ATIC: variants seen among roughly 807,000 people sequenced by gnomAD.
The protein encoded by ATIC is bifunctional purine biosynthesis protein ATIC.
ATIC carries 64 observed loss-of-function variants against 72.5 expected under a neutral mutation model. The ratio of observed to expected loss-of-function variants is 0.88; its 90% CI spans 0.72 to 1.09. ATIC has a LOEUF of 1.09. Among genes scored for constraint, ATIC ranks in the 50% least tolerant of loss-of-function variants. The pLI is 0.00. For synonymous variants in ATIC, 281 were observed against 267.1 expected (o/e 1.05, Z -0.51); for missense variants, 787 against 732.4 (o/e 1.07, Z -0.86).
chr2:215,362,217 A>C, the ATIC span: 3 of 700,230 alleles, frequency 4.3e-6, no homozygotes, highest in Non-Finnish European at 2.6e-6. Flanking sequence ...GCAAGCTTTG[A>C]TGATGATTTC....
At chr2:215,319,814 A>G in intron 4 of ATIC, 83 bp downstream of exon 4, 1 of 1,153,064 alleles carries the variant, frequency 8.7e-7, no homozygotes. Flanking sequence ...GTGTTTTCTT[A>G]CTCACTATAA....
At chr2:215,351,606 T>G (rs972209377), downstream of ATIC, among the ~76,000 whole-genome samples, 15 of 152,116 alleles carry the variant, frequency 9.9e-5, no homozygotes, top group Non-Finnish European at 1.6e-4. Context: ...AAATTTTAAT[T>G]AGCTGGGCAT....
At chr2:215,360,348 A>G in the ATIC span, 4 of 152,380 alleles carry the variant, frequency 2.6e-5, 1 homozygote, top group Non-Finnish European at 5.9e-5. Context: ...TTATCAAGCC[A>G]TGCCAAAAGT....
chr2:215,342,092 C>G (rs2053025745), intron 12 of ATIC, among the ~76,000 whole-genome samples: 1 of 152,138 alleles, frequency 6.6e-6, no homozygotes, highest in Admixed American at 6.5e-5. Context: ...GTTACCTCCA[C>G]CTAGTCCTGC....
the ATIC span, chr2:215,361,783 A>G: frequency 1.6e-4 from 69 of 441,802 alleles, no homozygotes; most frequent in Non-Finnish European, 1.9e-4. Context: ...GGGCAATAGG[A>G]GATGTTCAAG....
intron 13 of ATIC, 142 bp from the exon 14 acceptor site, chr2:215,346,617 A>T: frequency 8.5e-6 from 8 of 937,002 alleles, no homozygotes; most frequent in Non-Finnish European, 1.4e-5. Context: ...TGACTTAAAA[A>T]TTATTTATAT....
chr2:215,352,814 G>C (rs1220921987), downstream of ATIC, among the ~76,000 whole-genome samples: 1 of 151,756 alleles, frequency 6.6e-6, no homozygotes, highest in African/African-American at 2.4e-5. Flanking sequence ...TTCAACACCT[G>C]GTTTCTCCTC....
chr2:215,338,486 T>A (rs1421069868), intron 11 of ATIC, among the ~76,000 whole-genome samples: 4 of 152,230 alleles, frequency 2.6e-5, no homozygotes, highest in African/African-American at 7.2e-5. Flanking sequence ...TAACATGTTG[T>A]ATATAGGTTG....
In ATIC at chr2:215,338,772, A is replaced by G. The variant is rs2106029162; in HGVS notation, c.1099-7A>G. The G allele has an allele frequency of 1.2e-6, 2 of 1,613,104 alleles. No individual in the cohort carries two copies. Among genetic ancestry groups the G allele is most frequent in the Non-Finnish European group, 1.7e-6 (2 of 1,179,434 alleles). Reference sequence around the variant, plus strand: ...ATTAACTTTAACTTTTAAAATTTGTATTTTAGATGGACCAATCTTACAAAC... The same window carrying G: ...ATTAACTTTAACTTTTAAAATTTGTGTTTTAGATGGACCAATCTTACAAAC... On this transcript the variant is annotated splice_polypyrimidine_tract_variant and splice_region_variant and intron_variant, in intron 11 of 15. Transcript: ENST00000236959.
Position 215,349,638 on chromosome 2 carries a change from C to T in ATIC, c.1762C>T (p.Arg588Trp), listed in dbSNP as rs1251129229. ...AATCATCCTCGCTCATACGAACCTT[C>T]GGCTCTTCCACCACTGATTTTACCA... is the stretch of plus-strand genomic sequence containing the variant. ...LGIILAHTNLRLFHH is the reference protein window; with the variant it reads ...LGIILAHTNLWLFHH The change falls in exon 16 of 16, where the codon CGG (arginine) becomes TGG (tryptophan). Residue 588 changes from arginine to tryptophan, a missense_variant. Arg to Trp is a moderately radical substitution (Grantham distance 101). Transcript: ENST00000236959. 5.0e-6 allele frequency: 8 copies of T among 1,614,044 alleles called. No individual in the cohort carries two copies. Among genetic ancestry groups the T allele is most frequent in the South Asian group, 3.3e-5 (3 of 91,084 alleles).
At chr2:215,318,310 A>G in intron 3 of ATIC, 77 bp downstream of exon 3, 1 of 1,306,470 alleles carries the variant, frequency 7.7e-7, no homozygotes, top group East Asian at 2.3e-5. Context: ...TCCTAAAATA[A>G]AGGAAGAAAA....
At chr2:215,362,753 G>T in the ATIC span, 1 of 153,976 alleles carries the variant, frequency 6.5e-6, no homozygotes, top group Non-Finnish European at 1.4e-5. Flanking sequence ...GGAAATGGGA[G>T]GACACACATG....
chr2:215,339,831 T>C (rs2052999681), intron 12 of ATIC, among the ~76,000 whole-genome samples: 1 of 152,114 alleles, frequency 6.6e-6, no homozygotes, highest in African/African-American at 2.4e-5. Flanking sequence ...AGAGACGGTG[T>C]TTCACTGTGT....
intron 13 of ATIC, chr2:215,345,664 C>T (rs1353187041): frequency 6.6e-6 from 1 of 152,362 alleles, no homozygotes; most frequent in Non-Finnish European, 1.5e-5. Context: ...TAGCCTATGG[C>T]CTGGAAGACC....
intron 7 of ATIC, among the ~76,000 whole-genome samples, chr2:215,332,131 C>CGTGTGTGTGTGTGTGTGTGT (rs71044585): frequency 7.0e-6 from 1 of 142,146 alleles, no homozygotes; most frequent in Admixed American, 7.0e-5. Context: ...GTCCTCCAGT[C>CGTGTGTGTGTGTGTGTGTGT]GTGTGTGTGT....
chr2:215,348,406 T>C (rs963991456), intron 14 of ATIC, among the ~76,000 whole-genome samples: 1 of 152,162 alleles, frequency 6.6e-6, no homozygotes, highest in Non-Finnish European at 1.5e-5. Flanking sequence ...AATTAGACGG[T>C]AGTCTAATAG....
Position 215,338,876 on chromosome 2 carries a change from T to C in ATIC, c.1196T>C (p.Leu399Ser), listed in dbSNP as rs886204868. The C allele has an allele frequency of 6.2e-7, 1 of 1,613,846 alleles. No individual in the cohort carries two copies. Among genetic ancestry groups the C allele is most frequent in the Non-Finnish European group, 8.5e-7 (1 of 1,179,848 alleles). The change falls in exon 12 of 16, where the codon TTA becomes TCA. Residue 399 changes from leucine (L) to serine (S), a missense_variant. Leu to Ser is a moderately radical substitution (Grantham distance 145). Transcript: ENST00000236959. ...KRNNGVVDKS[L>S]FSNVVTKNKD... ...AATAATGGTGTCGTCGACAAGTCAT[T>C]ATTTAGCAATGTTGTTACCAAAAAT...
chr2:215,322,361 C>A (rs1421253163), intron 4 of ATIC, among the ~76,000 whole-genome samples: 1 of 138,478 alleles, frequency 7.2e-6, no homozygotes, highest in Non-Finnish European at 1.5e-5. Context: ...TGGAGTTTCG[C>A]TCTTGTTGCC....
At chr2:215,342,564 T>C (rs1315219878) in intron 12 of ATIC, among the ~76,000 whole-genome samples, 1 of 152,220 alleles carries the variant, frequency 6.6e-6, no homozygotes. Flanking sequence ...CCGGGCTCAC[T>C]TGATATGGCT....
Sources: gnomAD v4.1 joint callset for allele counts (sites outside exome capture counted in the v4.1 genomes callset) on GRCh38, gnomAD v4.1.1 for gene constraint, MANE v1.5 for transcripts, NCBI Gene and HGNC (gene_info 2026-07-23, HGNC 2026-07-21) for gene names.